The following PNPLA7 variants were observed in gnomAD, a reference collection of about 807,000 sequenced individuals.
PNPLA7 encodes the protein patatin like domain 7, lysophospholipase.
In PNPLA7, 153 loss-of-function variants were observed where a neutral mutation model predicts 161.7. The observed-to-expected ratio is 0.95, with a 90% CI of 0.83 to 1.08. The LOEUF (loss-of-function observed/expected upper bound fraction) is 1.08, where lower values mean the gene tolerates loss of function less well. PNPLA7 is among the 50% of genes least tolerant of loss of function. The pLI is 0.00. For missense variants in PNPLA7, 1,739 were observed against 1,856.6 expected, an observed-to-expected ratio of 0.94 and a Z score of 1.16; for synonymous variants, 809 against 782.1, an observed-to-expected ratio of 1.03 and a Z score of -0.57.
rs773759961 is a variant in PNPLA7, at chr9:137,498,114, C to T, written c.1889G>A (p.Arg630Lys). The change falls in exon 17 of 35, where the codon AGG (arginine) becomes AAG (lysine). Residue 630 changes from arginine (R) to lysine (K), a missense_variant and splice_region_variant. Around this residue, in one of 6 missense-constraint regions of PNPLA7, gnomAD observed 481 missense variants for 450.0 expected, o/e 1.07. Coordinates refer to ENST00000406427, the MANE Select transcript of PNPLA7 (RefSeq NM_001098537.3). ...GAGTGTGTGGCACCCACGGCCTCAC[C>T]TGTATATTGCTCGCCCGGCCTCCAC... Reference protein sequence around the residue: ...VEVEAGRAIYRQGDKSDCTYI... With the variant: ...VEVEAGRAIYKQGDKSDCTYI... The T allele has an allele frequency of 3.7e-6, 6 of 1,612,956 alleles. No individual in the cohort carries two copies. The highest frequency in any genetic ancestry group is 8.5e-7 in the Non-Finnish European group (1 of 1,179,918).
At chr9:137,531,610 G>T (rs556662714) in intron 8 of PNPLA7, among the ~76,000 whole-genome samples, 2 of 152,134 alleles carry the variant, frequency 1.3e-5, no homozygotes, top group South Asian at 2.1e-4. Flanking sequence ...AGAAATCAAC[G>T]GTGGTGTCAA....
chr9:137,461,462 G>C, intron 33 of PNPLA7, 74 bp downstream of exon 33: 1 of 1,438,870 alleles, frequency 6.9e-7, no homozygotes, highest in South Asian at 1.3e-5. Flanking sequence ...CCTCTGGGGT[G>C]GGGGGGTTCA....
chr9:137,460,546 T>C lies in PNPLA7; in HGVS notation c.3946-70A>G. On this transcript the variant is annotated intron_variant, in intron 34 of 34. Transcript: ENST00000406427. ...GGGCTCTGCAGCGCTGGTAACCCGG[T>C]GGGACCACAGGGAGGGAGTGGCCGG... is the stretch of plus-strand genomic sequence containing the variant. 1.9e-6 allele frequency: 3 copies of C among 1,600,276 alleles called. No individual in the cohort carries two copies. In the South Asian group the frequency reaches 3.3e-5, roughly 18 times the overall value.
chr9:137,494,463 C>G (rs1291776763), intron 19 of PNPLA7, among the ~76,000 whole-genome samples: 1 of 152,214 alleles, frequency 6.6e-6, no homozygotes, highest in Non-Finnish European at 1.5e-5. Context: ...GTTTTCCATC[C>G]ATGTGTAGGT....
chr9:137,543,909 G>T lies in PNPLA7; in HGVS notation c.274-94C>A. ...GATCAGTCCTCAGGACCTGCCTGTG[G>T]GCCTCCCACAGTCCCAGCTTCAGCT... is the stretch of plus-strand genomic sequence containing the variant. On this transcript the variant is annotated intron_variant, in intron 4 of 34. Transcript: ENST00000406427. The surrounding 1 kb of genome is among the most constrained non-coding windows in gnomAD (Gnocchi z 6.9). 9.6e-7 allele frequency: 1 copy of T among 1,041,892 alleles called. No homozygotes were observed. The highest frequency in any genetic ancestry group is 1.5e-6 in the Non-Finnish European group (1 of 675,250). 64.5% of individuals were successfully genotyped at this position (1,041,892 alleles called of 1,614,324 possible).
chr9:137,466,191 G>A (rs1052077440), intron 26 of PNPLA7, among the ~76,000 whole-genome samples: 5 of 152,182 alleles, frequency 3.3e-5, no homozygotes, highest in Non-Finnish European at 4.4e-5. Context: ...CTGCCTGGCC[G>A]TTGGGTCAGA....
Position 137,540,612 on chromosome 9 carries a change from GC to G in PNPLA7, c.747+29del. ...AGGCCTCCGGGGCCAACCCAGGGGC[GC>G]CCGGAGGGCCAGGCAGCGGGGGACT... On this transcript the variant is annotated intron_variant, in intron 8 of 34. Coordinates refer to ENST00000406427, the MANE Select transcript of PNPLA7 (RefSeq NM_001098537.3). This position sits in a 1 kb window ranked among gnomAD's most constrained non-coding sequence, Gnocchi z 5.1. 1 of 1,587,212 alleles carries G rather than the reference GC, an allele frequency of 6.3e-7. No homozygotes were observed.
At chr9:137,519,887 G>C in intron 11 of PNPLA7, 30 bp downstream of exon 11, 1 of 1,596,286 alleles carries the variant, frequency 6.3e-7, no homozygotes, top group Non-Finnish European at 8.5e-7. Context: ...TCTGGGGCTG[G>C]ACATTGCCCT....
rs1053545215 is a variant in PNPLA7, at chr9:137,537,801, C to T, written c.747+2841G>A. Among the ~76,000 whole-genome samples, 1 of 151,816 alleles carries T rather than the reference C, an allele frequency of 6.6e-6. No individual in the cohort carries two copies. ...CTGCACTGTGATAAGTGAGGCCCAA[C>T]CTGAATATCACAACAAGATCAAGAT... is the stretch of plus-strand genomic sequence containing the variant. On this transcript the variant is annotated intron_variant, in intron 8 of 34. Transcript: ENST00000406427. This position sits in a 1 kb window ranked among gnomAD's most constrained non-coding sequence, Gnocchi z 4.5.
chr9:137,464,608 C>T, intron 26 of PNPLA7, 152 bp from the exon 27 acceptor site: 1 of 719,804 alleles, frequency 1.4e-6, no homozygotes, highest in Non-Finnish European at 2.4e-6. Context: ...GGCGCCCTGG[C>T]TGGAGCCTCA....
chr9:137,522,299 C>G (rs987341436), intron 9 of PNPLA7, among the ~76,000 whole-genome samples: 1 of 150,342 alleles, frequency 6.7e-6, no homozygotes, highest in Non-Finnish European at 1.5e-5. Context: ...TGGTCTCGAT[C>G]TCCTGACCTC....
chr9:137,492,911 C>T (rs1832848642), intron 20 of PNPLA7, 102 bp downstream of exon 20: 18 of 760,442 alleles, frequency 2.4e-5, no homozygotes, highest in Middle Eastern at 4.2e-4. Context: ...CAGGACAGGG[C>T]GGGGCCATGG....
chr9:137,460,972 C>T (rs140699877), intron 33 of PNPLA7: 206 of 521,386 alleles, frequency 4.0e-4, no homozygotes, highest in African/African-American at 3.3e-3. Context: ...GGACAAGGAG[C>T]GGGCAGACAC....
intron 26 of PNPLA7, among the ~76,000 whole-genome samples, chr9:137,465,237 A>C (rs1211554680): frequency 6.6e-6 from 1 of 152,174 alleles, no homozygotes; most frequent in Non-Finnish European, 1.5e-5. Flanking sequence ...GCCCCTGCCC[A>C]GTACCAGAGG....
chr9:137,500,751 A>C lies in PNPLA7; in HGVS notation c.1697T>G (p.Phe566Cys). The change falls in exon 16 of 35, where the codon TTC (phenylalanine) becomes TGC (cysteine). Residue 566 changes from phenylalanine (F) to cysteine (C), a missense_variant. This residue lies in a region of PNPLA7 where 481 missense variants were observed against 450.0 expected (regional missense o/e 1.07). Coordinates refer to ENST00000406427, the MANE Select transcript of PNPLA7 (RefSeq NM_001098537.3). This position sits in a 1 kb window ranked among gnomAD's most constrained non-coding sequence, Gnocchi z 5.5. ...LAVLTGEPLI[F>C]TVKANRDCSF... ...GCAGTCCCTGTTGGCCTTGACGGTGAAGATGAGAGGCTCCCCGGTGAGCAC... is the reference window on the plus strand; with the variant it reads ...GCAGTCCCTGTTGGCCTTGACGGTGCAGATGAGAGGCTCCCCGGTGAGCAC... 1 of 1,612,288 alleles carries C rather than the reference A, an allele frequency of 6.2e-7. No homozygotes were observed. Among genetic ancestry groups the C allele is most frequent in the Non-Finnish European group, 8.5e-7 (1 of 1,179,788 alleles).
intron 18 of PNPLA7, among the ~76,000 whole-genome samples, chr9:137,495,397 G>A (rs1832999084): frequency 6.6e-6 from 1 of 152,204 alleles, no homozygotes. Flanking sequence ...GCTGGAACAA[G>A]GGCAGCCTCA....
At chr9:137,466,168 T>C (rs552738436) in intron 26 of PNPLA7, among the ~76,000 whole-genome samples, 1 of 152,198 alleles carries the variant, frequency 6.6e-6, no homozygotes, top group Non-Finnish European at 1.5e-5. Flanking sequence ...CATCCTCAGC[T>C]GCTCACGCTG....
intron 11 of PNPLA7, among the ~76,000 whole-genome samples, chr9:137,518,425 C>A (rs1350672130): frequency 4.7e-5 from 4 of 85,414 alleles, no homozygotes; most frequent in Non-Finnish European, 4.6e-5. Flanking sequence ...ACTCCATCCC[C>A]CACTCACTGA....
intron 11 of PNPLA7, chr9:137,516,503 C>T: frequency 1.0e-6 from 1 of 985,334 alleles, no homozygotes; most frequent in Non-Finnish European, 1.2e-6. Context: ...CAGGCAATGA[C>T]ACATACTCTA....
Sources: allele counts gnomAD v4.1 joint callset (sites outside exome capture counted in the v4.1 genomes callset), GRCh38; gene constraint gnomAD v4.1.1; regional missense constraint gnomAD v4.1.1; non-coding constraint Gnocchi (gnomAD v3.1); transcripts MANE v1.5; gene names NCBI Gene and HGNC (gene_info 2026-07-23, HGNC 2026-07-21).